SP140: variants seen among roughly 807,000 people sequenced by gnomAD.
SP140 encodes nuclear body protein SP140.
In SP140, 81 loss-of-function variants were observed where a neutral mutation model predicts 125.0. The observed-to-expected ratio is 0.65, with a 90% confidence interval of 0.54 to 0.78. The LOEUF is 0.78. SP140 is among the 30% of genes least tolerant of loss of function. The probability of loss-of-function intolerance (pLI) is 0.00; values close to 1 mark genes in which losing one functional copy is unlikely to be tolerated. For synonymous variants in SP140, 312 were observed against 354.0 expected, an observed-to-expected ratio of 0.88 and a Z score of 1.33; for missense variants, 858 against 1,037.0, an observed-to-expected ratio of 0.83 and a Z score of 2.37.
In SP140 at chr2:230,245,936, A is replaced by G. The variant is rs543438190; in HGVS notation, c.738A>G (p.Thr246=). Reference sequence around the variant, plus strand: ...TGCCCAAGTTACTGCCTTATGATACAGAAGGTAATTAGGATTTAAATTAAA... The same window carrying G: ...TGCCCAAGTTACTGCCTTATGATACGGAAGGTAATTAGGATTTAAATTAAA... ...EEMPKLLPYD[T]EVLESNGMID... Residue 246 remains threonine, a synonymous_variant, in exon 7 of 27, where the codon ACA becomes ACG. Coordinates refer to ENST00000392045, the MANE Select transcript of SP140 (RefSeq NM_007237.5). 1.9e-6 allele frequency: 3 copies of G among 1,576,246 alleles called. No individual in the cohort carries two copies. Among genetic ancestry groups the G allele is most frequent in the Non-Finnish European group, 2.6e-6 (3 of 1,145,526 alleles).
chr2:230,312,495 TAAAGA>T, intron 26 of SP140, 86 bp from the exon 27 acceptor site: 2 of 787,478 alleles, frequency 2.5e-6, no homozygotes, highest in Non-Finnish European at 4.1e-6. Flanking sequence ...CTTTTTTTTT[TAAAGA>T]CAAGAGTCCT....
upstream of SP140, among the ~76,000 whole-genome samples, chr2:230,198,220 CA>C: frequency 6.6e-6 from 1 of 152,330 alleles, no homozygotes; most frequent in East Asian, 1.9e-4. Context: ...CACACTTCCA[CA>C]GGCGGGAAAA....
rs202029779 is a variant in SP140 at position 230,215,081 on chromosome 2, G to A, written c.-91+1007G>A. On this transcript the variant is annotated intron_variant, in intron 3 of 4. Transcript: ENST00000456542. ...GGTGAGAATGTTGTGCACCACTCTG[G>A]ATACAGGGATCAAATTTCTACAGGC... 5.0e-6 allele frequency: 8 copies of A among 1,613,738 alleles called. No homozygotes were observed. Among genetic ancestry groups the A allele is most frequent in the Non-Finnish European group, 6.8e-6 (8 of 1,179,788 alleles).
rs180811113 is a variant in SP140, at chr2:230,211,451, T to A, written c.-322-2203T>A. The A allele has an allele frequency of 1.2e-5, 18 of 1,507,750 alleles. No individual in the cohort carries two copies. In the East Asian group the frequency reaches 3.4e-4, roughly 28 times the overall value. 93.4% of individuals were successfully genotyped at this position (1,507,750 alleles called of 1,614,324 possible). ...ACAGAAACAAAGGCAAGCTTTTAGG[T>A]TGACCAAACCAAGATTACCTGGCAT... On this transcript the variant is annotated intron_variant, in intron 1 of 4. Coordinates refer to the SP140 transcript ENST00000456542. The surrounding 1 kb of genome is among the most constrained non-coding windows in gnomAD (Gnocchi z 4.2).
downstream of SP140, among the ~76,000 whole-genome samples, chr2:230,314,027 C>CAG (rs1182835310): frequency 1.5e-4 from 23 of 152,286 alleles, no homozygotes; most frequent in East Asian, 4.2e-3. Context: ...GGAAGGCAGA[C>CAG]AGCAAGGAAT....
intron 15 of SP140, among the ~76,000 whole-genome samples, chr2:230,280,479 A>G (rs565808575): frequency 2.0e-5 from 3 of 152,218 alleles, no homozygotes; most frequent in African/African-American, 7.2e-5. Context: ...ATTTGTTTAC[A>G]TTTATTGAGT....
chr2:230,285,809 T>G lies in SP140; in HGVS notation c.1622T>G (p.Leu541Arg), dbSNP rs1485834143. The G allele has an allele frequency of 1.2e-6, 2 of 1,613,474 alleles. No homozygotes were observed. The highest frequency in any genetic ancestry group is 8.5e-7 in the Non-Finnish European group (1 of 1,179,418). The change falls in exon 17 of 27, where the codon CTG becomes CGG. Residue 541 changes from leucine to arginine, a missense_variant. Transcript: ENST00000392045. The part of the protein sequence containing the change: ...VSSEKKANVN[L>R]KDLSKIRGRK... ...AGTGAAAAGAAGGCGAACGTGAATC[T>G]GAAAGACCTTTCCAAGATTAGGGGT... is the stretch of plus-strand genomic sequence containing the variant.
chr2:230,280,996 G>A (rs769008339), intron 15 of SP140, among the ~76,000 whole-genome samples: 5 of 151,938 alleles, frequency 3.3e-5, no homozygotes, highest in African/African-American at 4.8e-5. Flanking sequence ...ATTCCAGGTC[G>A]ATAATTTATT....
intron 5 of SP140, among the ~76,000 whole-genome samples, chr2:230,244,394 A>G (rs1479330524): frequency 6.6e-6 from 1 of 152,224 alleles, no homozygotes; most frequent in Non-Finnish European, 1.5e-5. Context: ...CATGACCCAC[A>G]TCCCTGCTGA....
chr2:230,216,654 G>T, intron 3 of SP140: 1 of 1,143,140 alleles, frequency 8.7e-7, no homozygotes, highest in Non-Finnish European at 1.3e-6. Context: ...CACCTTCTGT[G>T]ATAATGAACA....
chr2:230,284,307 T>C, intron 15 of SP140, 39 bp from the exon 16 acceptor site: 1 of 1,547,400 alleles, frequency 6.5e-7, no homozygotes, highest in Non-Finnish European at 8.8e-7. Flanking sequence ...ATTATATTTA[T>C]ACCTCTGCAT....
At chr2:230,300,592 G>A (rs1483075171) in intron 22 of SP140, among the ~76,000 whole-genome samples, 1 of 152,140 alleles carries the variant, frequency 6.6e-6, no homozygotes, top group African/African-American at 2.4e-5. Flanking sequence ...CCCATCCCTA[G>A]GGGAAGGGGG....
Position 230,253,301 on chromosome 2 carries a change from T to A in SP140, c.1058-15T>A, listed in dbSNP as rs748137532. ...ACTGAGGTCTGTGTCCAAGTCACCCTCTGTGGTCTGTCAGTTTCTTGTTTA... is the reference window on the plus strand; with the variant it reads ...ACTGAGGTCTGTGTCCAAGTCACCCACTGTGGTCTGTCAGTTTCTTGTTTA... On this transcript the variant is annotated splice_polypyrimidine_tract_variant and intron_variant, in intron 10 of 26. Coordinates refer to ENST00000392045, the MANE Select transcript of SP140 (RefSeq NM_007237.5). 1 of 1,579,622 alleles carries A rather than the reference T, an allele frequency of 6.3e-7. No individual in the cohort carries two copies. Among genetic ancestry groups the A allele is most frequent in the Non-Finnish European group, 8.7e-7 (1 of 1,148,972 alleles).
At chr2:230,255,565 G>T (rs2051056802) in intron 12 of SP140, 33 bp downstream of exon 12, 1 of 1,597,788 alleles carries the variant, frequency 6.3e-7, no homozygotes, top group South Asian at 1.1e-5. Context: ...CTGGCCCTGG[G>T]CTGCAGAGTG....
upstream of SP140, among the ~76,000 whole-genome samples, chr2:230,199,423 G>C (rs1001324471): frequency 2.0e-5 from 3 of 151,646 alleles, no homozygotes; most frequent in African/African-American, 7.3e-5. Flanking sequence ...TGGCCAGGCT[G>C]GTCTCGAACT....
chr2:230,250,996 G>A lies in SP140; in HGVS notation c.992G>A (p.Cys331Tyr). 1 of 1,613,858 alleles carries A rather than the reference G, an allele frequency of 6.2e-7. No homozygotes were observed. Residue 331 changes from cysteine (C) to tyrosine (Y), a missense_variant, in exon 10 of 27, where the codon TGT becomes TAT. Coordinates refer to ENST00000392045, the MANE Select transcript of SP140 (RefSeq NM_007237.5). ...PGEGEEGSDDCSEMCDGEEPQ... is the reference protein window; with the variant it reads ...PGEGEEGSDDYSEMCDGEEPQ... ...CTTTCTGCAGAGGGCAGTGATGACT[G>A]TTCAGAAATGTGTGATGGAGAAGAG...
Position 230,211,391 on chromosome 2 carries a change from C to A in SP140, c.-322-2263C>A. 1.1e-6 allele frequency: 1 copy of A among 920,328 alleles called. No homozygotes were observed. 57.0% of individuals were successfully genotyped at this position (920,328 alleles called of 1,614,324 possible). ...GAGAGGCAGGAGGAGAGCCCCCTCTCTAGAAGATCCGAATGGCTTTTCCTC... is the reference window on the plus strand; with the variant it reads ...GAGAGGCAGGAGGAGAGCCCCCTCTATAGAAGATCCGAATGGCTTTTCCTC... On this transcript the variant is annotated intron_variant, in intron 1 of 4. Transcript: ENST00000456542. The surrounding 1 kb of genome is among the most constrained non-coding windows in gnomAD (Gnocchi z 4.2).
upstream of SP140, chr2:230,225,397 G>C (rs1197325416): frequency 3.7e-6 from 1 of 268,696 alleles, no homozygotes; most frequent in African/African-American, 2.3e-5. Context: ...TCCAGCCCAG[G>C]CTCACTAAGG....
At chr2:230,215,495 G>A (rs1440520486) in intron 3 of SP140, among the ~76,000 whole-genome samples, 1 of 152,194 alleles carries the variant, frequency 6.6e-6, no homozygotes, top group Non-Finnish European at 1.5e-5. Context: ...TGGTTCTAGT[G>A]ATGGTCACAG....
Sources: allele counts gnomAD v4.1 joint callset (sites outside exome capture counted in the v4.1 genomes callset), GRCh38; gene constraint gnomAD v4.1.1; non-coding constraint Gnocchi (gnomAD v3.1); transcripts MANE v1.5; gene names NCBI Gene and HGNC (gene_info 2026-07-23, HGNC 2026-07-21).